Variants in SPEN observed in about 807,000 individuals in gnomAD.
SPEN encodes the protein spen family transcriptional repressor.
A neutral mutation model predicts 269.9 loss-of-function variants in SPEN; 18 were observed. That is an observed-to-expected ratio of 0.07 (90% CI 0.05 to 0.10). The LOEUF (loss-of-function observed/expected upper bound fraction) is 0.10, where lower values mean the gene tolerates loss of function less well. SPEN is among the 10% of genes least tolerant of loss of function. The probability of loss-of-function intolerance (pLI) is 1.00; values close to 1 mark genes in which losing one functional copy is unlikely to be tolerated. For missense variants in SPEN, 3,822 were observed against 4,631.2 expected, an observed-to-expected ratio of 0.83 and a Z score of 5.07; for synonymous variants, 1,726 against 1,765.7, an observed-to-expected ratio of 0.98 and a Z score of 0.56.
rs1174078878 is a variant in SPEN at position 15,932,475 on chromosome 1, A to G, written c.6235A>G (p.Arg2079Gly). Residue 2079 changes from arginine (R) to glycine (G), a missense_variant, in exon 11 of 15, where the codon AGA (arginine) becomes GGA (glycine). Coordinates refer to ENST00000375759, the MANE Select transcript of SPEN (RefSeq NM_015001.3). This position sits in a 1 kb window ranked among gnomAD's most constrained non-coding sequence, Gnocchi z 4.2. The stretch of plus-strand genomic sequence containing the variant: ...AAAAAACTCCAAATCAAAGAGAGGA[A>G]GATCTCGAAACTCCAGGTTAGCAGT... ...PEKNSKSKRG[R>G]SRNSRLAVDK... 1.2e-6 allele frequency: 2 copies of G among 1,611,404 alleles called. No homozygotes were observed. Among genetic ancestry groups the G allele is most frequent in the Non-Finnish European group, 1.7e-6 (2 of 1,179,158 alleles).
chr1:15,927,354 T>C (rs1329079957), intron 10 of SPEN, among the ~76,000 whole-genome samples: 1 of 152,180 alleles, frequency 6.6e-6, no homozygotes, highest in Non-Finnish European at 1.5e-5. Context: ...TTTACAGATA[T>C]TATCTTAATC....
intron 1 of SPEN, among the ~76,000 whole-genome samples, chr1:15,857,492 G>T (rs1056844693): frequency 7.9e-5 from 12 of 151,950 alleles, no homozygotes; most frequent in African/African-American, 2.9e-4. Context: ...GAGTAGCTGG[G>T]ATTACAGGCG....
chr1:15,898,749 G>A (rs2070867220), intron 3 of SPEN, among the ~76,000 whole-genome samples: 2 of 152,046 alleles, frequency 1.3e-5, no homozygotes, highest in African/African-American at 4.8e-5. Flanking sequence ...TTTTAGTAGA[G>A]ATGGGGTTTC....
chr1:15,907,375 G>C (rs1014079138), intron 3 of SPEN, among the ~76,000 whole-genome samples: 11 of 151,988 alleles, frequency 7.2e-5, no homozygotes, highest in African/African-American at 2.7e-4. Context: ...CCAGCTACTC[G>C]GGAGGCACGA....
intron 1 of SPEN, among the ~76,000 whole-genome samples, chr1:15,849,667 A>G (rs1323317028): frequency 2.6e-5 from 4 of 152,100 alleles, no homozygotes; most frequent in Non-Finnish European, 5.9e-5. Context: ...CCTAGGATGA[A>G]GGGGAGACCA....
At chr1:15,863,426 C>T (rs929091679) in intron 1 of SPEN, among the ~76,000 whole-genome samples, 6 of 152,136 alleles carry the variant, frequency 3.9e-5, no homozygotes, top group Admixed American at 1.3e-4. Context: ...AATCTAGGCA[C>T]TCACCCTGGA....
chr1:15,925,140 T>G (rs1340871659), intron 10 of SPEN, among the ~76,000 whole-genome samples: 1 of 152,208 alleles, frequency 6.6e-6, no homozygotes, highest in East Asian at 1.9e-4. Context: ...CTCTGTCAGG[T>G]AACCCTTTTT....
intron 3 of SPEN, among the ~76,000 whole-genome samples, chr1:15,877,738 C>CTTTTTTTTT: frequency 9.4e-6 from 1 of 106,836 alleles, no homozygotes; most frequent in African/African-American, 3.9e-5. Flanking sequence ...TCAGCTTTCC[C>CTTTTTTTTT]TTTTTTTTTT....
At chr1:15,936,567 T>C (rs1197251103) in intron 11 of SPEN, among the ~76,000 whole-genome samples, 1 of 149,772 alleles carries the variant, frequency 6.7e-6, no homozygotes, top group South Asian at 2.1e-4. Flanking sequence ...GAAAATTGCT[T>C]GAGCCCTGGA....
chr1:15,918,932 G>T lies in SPEN; in HGVS notation c.1402G>T (p.Asp468Tyr). The T allele has an allele frequency of 6.2e-7, 1 of 1,606,114 alleles. No individual in the cohort carries two copies. The highest frequency in any genetic ancestry group is 1.1e-5 in the South Asian group (1 of 89,854). Residue 468 changes from aspartate (D) to tyrosine (Y), a missense_variant, in exon 7 of 15, where the codon GAC becomes TAC. Asp to Tyr is a radical substitution (Grantham distance 160). Coordinates refer to ENST00000375759, the MANE Select transcript of SPEN (RefSeq NM_015001.3). ...TATTCATTGGTTTTTTCAGGATATT[G>T]ACATTAAGAAAGTAAATGGAGTTCC... ...FQRFGEIVDI[D>Y]IKKVNGVPQY...
intron 3 of SPEN, among the ~76,000 whole-genome samples, chr1:15,907,037 G>C (rs1378899617): frequency 6.6e-6 from 1 of 152,032 alleles, no homozygotes. Flanking sequence ...CCTCAAAGTA[G>C]TGGGATTACA....
At chr1:15,875,685 A>G (rs1052538058) in intron 2 of SPEN, among the ~76,000 whole-genome samples, 5 of 151,930 alleles carry the variant, frequency 3.3e-5, no homozygotes, top group Non-Finnish European at 7.4e-5. Flanking sequence ...AAAAAGTTAA[A>G]CTTAGAAAAT....
intron 3 of SPEN, among the ~76,000 whole-genome samples, chr1:15,893,665 G>C (rs1264287129): frequency 1.3e-5 from 2 of 151,900 alleles, no homozygotes; most frequent in Non-Finnish European, 2.9e-5. Flanking sequence ...GATGTCATTA[G>C]TATCAAAGTT....
At chr1:15,862,252 TAATA>T (rs772773503) in intron 1 of SPEN, among the ~76,000 whole-genome samples, 11 of 152,244 alleles carry the variant, frequency 7.2e-5, no homozygotes, top group Admixed American at 3.9e-4. Flanking sequence ...GTCATTACTT[TAATA>T]AATGTTTTAT....
At chr1:15,879,229 T>C (rs958554615) in intron 3 of SPEN, among the ~76,000 whole-genome samples, 2 of 151,910 alleles carry the variant, frequency 1.3e-5, no homozygotes, top group South Asian at 4.1e-4. Flanking sequence ...TAATTCCAGC[T>C]ACTCAGGAGG....
At chr1:15,874,833 G>C (rs184882340) in intron 2 of SPEN, among the ~76,000 whole-genome samples, 3 of 152,256 alleles carry the variant, frequency 2.0e-5, no homozygotes, top group Admixed American at 2.0e-4. Flanking sequence ...TGTTTATCAT[G>C]CCAGTTGTTT....
chr1:15,889,164 C>CTTTT lies in SPEN; in HGVS notation c.881+12499_881+12502dup, dbSNP rs56721891. On this transcript the variant is annotated intron_variant, in intron 3 of 14. Transcript: ENST00000375759. ...GCATTTTCTTTCTTTCTTTTCTTTTCTTTTTTTTTTTTTTTTGAGACGGGG... is the reference window on the plus strand; with the variant it reads ...GCATTTTCTTTCTTTCTTTTCTTTTCTTTTTTTTTTTTTTTTTTTTGAGACGGGG... Among the ~76,000 whole-genome samples, 75 of 124,906 alleles carry CTTTT rather than the reference C, an allele frequency of 6.0e-4. 1 individual carries two copies. Among genetic ancestry groups the CTTTT allele is most frequent in the African/African-American group, 2.3e-3 (73 of 31,766 alleles). 81.9% of individuals were successfully genotyped at this position (124,906 alleles called of 152,430 possible).
chr1:15,929,460 G>C lies in SPEN; in HGVS notation c.3220G>C (p.Val1074Leu). The C allele has an allele frequency of 2.5e-6, 4 of 1,613,418 alleles. No homozygotes were observed. Among genetic ancestry groups the C allele is most frequent in the Non-Finnish European group, 3.4e-6 (4 of 1,179,684 alleles). ...KDCQELASIS[V>L]GSGSRPSSDL... The stretch of plus-strand genomic sequence containing the variant: ...CTGTCAGGAGCTTGCCAGTATTTCT[G>C]TTGGGTCTGGCTCAAGGCCCAGCTC... The change falls in exon 11 of 15, where the codon GTT (valine) becomes CTT (leucine). Residue 1074 changes from valine to leucine, a missense_variant. Val to Leu is a conservative substitution (Grantham distance 32). This residue lies in a region of SPEN where 572 missense variants were observed against 582.6 expected (regional missense o/e 0.98). Coordinates refer to ENST00000375759, the MANE Select transcript of SPEN (RefSeq NM_015001.3). This position sits in a 1 kb window ranked among gnomAD's most constrained non-coding sequence, Gnocchi z 5.8.
intron 3 of SPEN, among the ~76,000 whole-genome samples, chr1:15,877,658 A>G (rs1381640316): frequency 6.6e-6 from 1 of 151,986 alleles, no homozygotes; most frequent in Non-Finnish European, 1.5e-5. Flanking sequence ...TTTTGAAATC[A>G]CAGATCTGGG....
Sources: gnomAD v4.1 joint callset for allele counts (sites outside exome capture counted in the v4.1 genomes callset) on GRCh38, gnomAD v4.1.1 for gene constraint, gnomAD v4.1.1 regional missense constraint, Gnocchi (gnomAD v3.1) non-coding constraint, MANE v1.5 for transcripts, NCBI Gene and HGNC (gene_info 2026-07-23, HGNC 2026-07-21) for gene names.